The following LRRC4C variants were observed in gnomAD, a reference collection of about 807,000 sequenced individuals.
The protein encoded by LRRC4C is leucine rich repeat containing 4C.
Under a neutral mutation model 33.6 loss-of-function variants are expected in LRRC4C, and 5 were observed. That is an observed-to-expected ratio of 0.15 (90% CI 0.08 to 0.31). LRRC4C has a LOEUF of 0.31. LRRC4C is among the 10% of genes least tolerant of loss of function. The pLI is 1.00. For synonymous variants in LRRC4C, 329 were observed against 302.0 expected, an observed-to-expected ratio of 1.09 and a Z score of -0.93; for missense variants, 560 against 796.7, an observed-to-expected ratio of 0.70 and a Z score of 3.58.
chr11:41,278,002 G>A (rs1048193812), intron 1 of LRRC4C, among the ~76,000 whole-genome samples: 10 of 152,192 alleles, frequency 6.6e-5, no homozygotes, highest in East Asian at 1.9e-4. Flanking sequence ...TAGCAGTAGA[G>A]AGTACAATGG....
At chr11:40,311,090 A>AT (rs1251156135) in intron 4 of LRRC4C, among the ~76,000 whole-genome samples, 1 of 151,952 alleles carries the variant, frequency 6.6e-6, no homozygotes, top group African/African-American at 2.4e-5. Context: ...TTATCCTGTC[A>AT]TTTTTTTTCC....
chr11:41,052,608 T>C (rs1858317639), intron 1 of LRRC4C, among the ~76,000 whole-genome samples: 1 of 151,394 alleles, frequency 6.6e-6, no homozygotes, highest in Non-Finnish European at 1.5e-5. Flanking sequence ...CTTAATTTAT[T>C]ATAGAAAAAA....
chr11:40,401,481 C>A (rs1311550593), intron 3 of LRRC4C, among the ~76,000 whole-genome samples: 3 of 152,028 alleles, frequency 2.0e-5, no homozygotes, highest in African/African-American at 7.2e-5. Context: ...GGTAATTGGC[C>A]TTGTTGACAG....
chr11:40,699,416 G>A (rs1945754178), intron 2 of LRRC4C, among the ~76,000 whole-genome samples: 1 of 152,048 alleles, frequency 6.6e-6, no homozygotes, highest in Non-Finnish European at 1.5e-5. Flanking sequence ...TATATTGAAG[G>A]CTAACCCAGT....
chr11:41,178,066 T>C (rs1304591242), intron 1 of LRRC4C, among the ~76,000 whole-genome samples: 1 of 152,128 alleles, frequency 6.6e-6, no homozygotes, highest in Non-Finnish European at 1.5e-5. Context: ...AAATCTCCAG[T>C]GTCTCCCAAG....
At chr11:40,177,730 A>G (rs993408036) in intron 5 of LRRC4C, among the ~76,000 whole-genome samples, 1 of 152,116 alleles carries the variant, frequency 6.6e-6, no homozygotes, top group Non-Finnish European at 1.5e-5. Flanking sequence ...TGTTGTTATT[A>G]TACAGCACTT....
At chr11:40,345,117 A>G (rs1387473195) in intron 3 of LRRC4C, among the ~76,000 whole-genome samples, 2 of 152,172 alleles carry the variant, frequency 1.3e-5, no homozygotes, top group African/African-American at 4.8e-5. Context: ...ATGCCATCCT[A>G]TCAAATTCAA....
intron 1 of LRRC4C, among the ~76,000 whole-genome samples, chr11:41,180,801 T>C (rs1322758181): frequency 6.6e-6 from 1 of 152,044 alleles, no homozygotes; most frequent in African/African-American, 2.4e-5. Context: ...ATTGGTATCA[T>C]TATCCTAAGA....
At chr11:40,807,673 C>T (rs1288184972) in intron 2 of LRRC4C, among the ~76,000 whole-genome samples, 2 of 152,202 alleles carry the variant, frequency 1.3e-5, no homozygotes, top group South Asian at 2.1e-4. Context: ...GTTTTCTGCA[C>T]GGATTTTAGT....
At chr11:40,478,502 G>T (rs1953366732) in intron 3 of LRRC4C, among the ~76,000 whole-genome samples, 1 of 152,094 alleles carries the variant, frequency 6.6e-6, no homozygotes, top group Non-Finnish European at 1.5e-5. Context: ...CTGAGAATTA[G>T]GCTGGTGAGA....
chr11:41,040,886 C>CT (rs1857389079), intron 1 of LRRC4C, among the ~76,000 whole-genome samples: 1 of 152,074 alleles, frequency 6.6e-6, no homozygotes, highest in African/African-American at 2.4e-5. Flanking sequence ...TAGTTTAAGA[C>CT]TTTTTTGTTT....
intron 1 of LRRC4C, among the ~76,000 whole-genome samples, chr11:41,175,859 C>G (rs907131934): frequency 1.3e-5 from 2 of 152,136 alleles, no homozygotes; most frequent in Non-Finnish European, 2.9e-5. Context: ...GAACATTCAT[C>G]ATCCTACATG....
intron 5 of LRRC4C, among the ~76,000 whole-genome samples, chr11:40,142,315 A>G (rs1422359252): frequency 6.7e-6 from 1 of 148,256 alleles, no homozygotes; most frequent in East Asian, 2.0e-4. Context: ...CCTCGATTTT[A>G]TAAAATGTTT....
chr11:40,590,645 G>A (rs1428816258), intron 3 of LRRC4C, among the ~76,000 whole-genome samples: 9 of 151,128 alleles, frequency 6.0e-5, no homozygotes, highest in Non-Finnish European at 3.0e-5. Flanking sequence ...GTGATGTACA[G>A]ATGGGTTTTT....
At chr11:41,230,466 G>C (rs182487423) in intron 1 of LRRC4C, among the ~76,000 whole-genome samples, 1 of 151,888 alleles carries the variant, frequency 6.6e-6, no homozygotes, top group South Asian at 2.1e-4. Flanking sequence ...TTACCATTAC[G>C]GATGCCTTAA....
intron 1 of LRRC4C, among the ~76,000 whole-genome samples, chr11:41,378,694 T>C (rs1233832343): frequency 6.6e-6 from 1 of 152,188 alleles, no homozygotes; most frequent in African/African-American, 2.4e-5. Context: ...ATACTAAATG[T>C]AGTCTAACCT....
intron 1 of LRRC4C, among the ~76,000 whole-genome samples, chr11:41,016,495 G>A (rs749635883): frequency 2.0e-5 from 3 of 152,134 alleles, no homozygotes; most frequent in Non-Finnish European, 4.4e-5. Flanking sequence ...TAAACAATAG[G>A]CCTTTGAACA....
chr11:40,465,716 C>A (rs1391368080), intron 3 of LRRC4C, among the ~76,000 whole-genome samples: 14 of 151,800 alleles, frequency 9.2e-5, no homozygotes. Flanking sequence ...TTATTAATCA[C>A]CAGAGAAGTG....
At chr11:41,458,985 A>G (rs1317093741) in intron 1 of LRRC4C, among the ~76,000 whole-genome samples, 1 of 152,078 alleles carries the variant, frequency 6.6e-6, no homozygotes, top group Non-Finnish European at 1.5e-5. Context: ...GGGGAAGTCT[A>G]CTATTAAGTT....
Sources: gnomAD v4.1 joint callset for allele counts (sites outside exome capture counted in the v4.1 genomes callset) on GRCh38, gnomAD v4.1.1 for gene constraint, MANE v1.5 for transcripts, NCBI Gene and HGNC (gene_info 2026-07-23, HGNC 2026-07-21) for gene names.